SLFN14: variants seen among roughly 807,000 people sequenced by gnomAD.
SLFN14 encodes the protein protein SLFN14.
In SLFN14, 47 loss-of-function variants were observed where a neutral mutation model predicts 58.6. The observed-to-expected ratio is 0.80, with a 90% confidence interval of 0.64 to 1.02. The LOEUF is 1.02. Ranked by LOEUF, SLFN14 falls within the 50% of genes least tolerant of loss-of-function variation. SLFN14 has a pLI of 0.00. For missense variants in SLFN14, 967 were observed against 1,078.4 expected, an observed-to-expected ratio of 0.90 and a Z score of 1.45; for synonymous variants, 390 against 387.3, an observed-to-expected ratio of 1.01 and a Z score of -0.08.
In SLFN14 at chr17:35,554,631, T is replaced by G; in HGVS notation, c.1134A>C (p.Gly378=). 6.5e-7 allele frequency: 1 copy of G among 1,534,928 alleles called. No homozygotes were observed. Among genetic ancestry groups the G allele is most frequent in the Non-Finnish European group, 8.8e-7 (1 of 1,138,728 alleles). ...TAAATTTGTGGACTTTTATGGGATA[T>G]CCGGGACTTTTTCGTGCAGATGAAG... ...SSASSARKSP[G]YPIKVHKFKE... Residue 378 remains glycine, a synonymous_variant, in exon 4 of 6, where the codon GGA becomes GGC. Coordinates refer to ENST00000674182, the MANE Select transcript of SLFN14 (RefSeq NM_001129820.2).
Position 35,553,269 on chromosome 17 carries a change from C to A in SLFN14, c.1365G>T (p.Leu455=), listed in dbSNP as rs2072614663. The part of the protein sequence containing the change: ...DVGFRKEQNV[L]CDALLIAVNS... ...TAACTGCTATCAGGAGAGCATCACA[C>A]AGGACATTCTGTTCTTTCCTGAAGC... The change falls in exon 5 of 6, where the codon CTG becomes CTT. Residue 455 remains leucine, a synonymous_variant. Coordinates refer to ENST00000674182, the MANE Select transcript of SLFN14 (RefSeq NM_001129820.2). 1 of 1,551,540 alleles carries A rather than the reference C, an allele frequency of 6.4e-7. No homozygotes were observed. Among genetic ancestry groups the A allele is most frequent in the Non-Finnish European group, 8.7e-7 (1 of 1,146,996 alleles).
At chr17:35,551,048 A>T (rs972625831) in intron 5 of SLFN14, among the ~76,000 whole-genome samples, 9 of 152,180 alleles carry the variant, frequency 5.9e-5, no homozygotes, top group African/African-American at 2.2e-4. Flanking sequence ...GAAAAAAAAA[A>T]GTTTCTGGTT....
intron 5 of SLFN14, among the ~76,000 whole-genome samples, chr17:35,550,441 G>A (rs2072575364): frequency 6.6e-6 from 1 of 152,188 alleles, no homozygotes; most frequent in Non-Finnish European, 1.5e-5. Flanking sequence ...AGCTACTCGG[G>A]AGGCTGAGGC....
chr17:35,548,592 T>A lies in SLFN14; in HGVS notation c.2386A>T (p.Asn796Tyr). 1 of 1,551,766 alleles carries A rather than the reference T, an allele frequency of 6.4e-7. No individual in the cohort carries two copies. The highest frequency in any genetic ancestry group is 8.7e-7 in the Non-Finnish European group (1 of 1,147,004). Residue 796 changes from asparagine to tyrosine, a missense_variant, in exon 6 of 6, where the codon AAC (asparagine) becomes TAC (tyrosine). By Grantham distance (143) the Asn-to-Tyr change is moderately radical. Transcript: ENST00000674182. Reference protein sequence around the residue: ...KTNLTTEQIANYVARKCHSLF... With the variant: ...KTNLTTEQIAYYVARKCHSLF... ...CTGTGACATTTTCTTGCCACATAGT[T>A]AGCTATTTGTTCTGTTGTCAGATTA... is the stretch of plus-strand genomic sequence containing the variant.
At chr17:35,551,067 G>A (rs1294450684) in intron 5 of SLFN14, among the ~76,000 whole-genome samples, 1 of 152,142 alleles carries the variant, frequency 6.6e-6, no homozygotes, top group African/African-American at 2.4e-5. Context: ...TTCTGTAAAT[G>A]TAAGTTATGC....
chr17:35,556,493 T>C lies in SLFN14; in HGVS notation c.1060+510A>G, dbSNP rs117517474. On this transcript the variant is annotated intron_variant, in intron 3 of 5. Coordinates refer to ENST00000674182, the MANE Select transcript of SLFN14 (RefSeq NM_001129820.2). ...GCATACTGTAACTTTCCTTTAAAAG[T>C]TGCTTAGGCTGGCCAGGAGTGGTGG... Among the ~76,000 whole-genome samples the C allele has an allele frequency of 8.0e-3, 1,214 of 152,294 alleles. 10 individuals are homozygous for C. Among genetic ancestry groups the C allele is most frequent in the South Asian group, 0.022 (104 of 4,828 alleles).
At chr17:35,556,471 T>C (rs1031825909) in intron 3 of SLFN14, among the ~76,000 whole-genome samples, 1 of 152,200 alleles carries the variant, frequency 6.6e-6, no homozygotes, top group Non-Finnish European at 1.5e-5. Flanking sequence ...GCTGATGGCA[T>C]ACTGTAACTT....
chr17:35,548,388 T>C lies in SLFN14; in HGVS notation c.2590A>G (p.Ser864Gly). ...TCCAGGCCTGAAAATTGCTGAATAC[T>C]GTCTAAAACAATGTGACTTCCCCAA... Reference protein sequence around the residue: ...GVWGSHIVLDSIQQFSGLERT... With the variant: ...GVWGSHIVLDGIQQFSGLERT... The change falls in exon 6 of 6, where the codon AGT becomes GGT. Residue 864 changes from serine (S) to glycine (G), a missense_variant. By Grantham distance (56) the Ser-to-Gly change is moderately conservative (BLOSUM62 0). Transcript: ENST00000674182. 1.3e-6 allele frequency: 2 copies of C among 1,551,744 alleles called. No homozygotes were observed. Among genetic ancestry groups the C allele is most frequent in the South Asian group, 1.2e-5 (1 of 84,066 alleles).
intron 5 of SLFN14, among the ~76,000 whole-genome samples, chr17:35,552,343 C>A (rs1041648162): frequency 6.6e-6 from 1 of 152,060 alleles, no homozygotes; most frequent in Non-Finnish European, 1.5e-5. Context: ...ACCACTTCCA[C>A]CTTTAAACAT....
Position 35,548,787 on chromosome 17 carries a change from C to A in SLFN14, c.2191G>T (p.Gly731Trp). 1.9e-6 allele frequency: 3 copies of A among 1,551,680 alleles called. No individual in the cohort carries two copies. Among genetic ancestry groups the A allele is most frequent in the Non-Finnish European group, 2.6e-6 (3 of 1,146,990 alleles). Residue 731 changes from glycine to tryptophan, a missense_variant, in exon 6 of 6, where the codon GGG becomes TGG. Transcript: ENST00000674182. Reference protein sequence around the residue: ...AQFPRKTITSGIHCALEIAKV... With the variant: ...AQFPRKTITSWIHCALEIAKV... Reference sequence around the variant, plus strand: ...GCTATTTCCAGAGCACAGTGGATCCCACTGGTGATTGTTTTTCGAGGAAAC... The same window carrying A: ...GCTATTTCCAGAGCACAGTGGATCCAACTGGTGATTGTTTTTCGAGGAAAC...
rs969350105 is a variant in SLFN14 at position 35,544,199 on chromosome 17, T to C, written c.*4040A>G. Among the ~76,000 whole-genome samples the C allele has an allele frequency of 6.6e-6, 1 of 152,186 alleles. No individual in the cohort carries two copies. Among genetic ancestry groups the C allele is most frequent in the Non-Finnish European group, 1.5e-5 (1 of 68,036 alleles). Reference sequence around the variant, plus strand: ...GAGTAAACCCAATGCTGAAAGTCCATGTACAGCCTCTGTGCACATCAGAAC... The same window carrying C: ...GAGTAAACCCAATGCTGAAAGTCCACGTACAGCCTCTGTGCACATCAGAAC... On this transcript the variant is annotated 3_prime_UTR_variant, in exon 6 of 6. Transcript: ENST00000674182.
At position 35,546,514 on chromosome 17, in the gene SLFN14, T is replaced by A. The variant is rs1370536555; in HGVS notation, c.*1725A>T. ...TAAAATCATAACCAAAATTTCCACA[T>A]GTCTCCTGGATTCAAGCCTCCCCAG... On this transcript the variant is annotated 3_prime_UTR_variant, in exon 6 of 6. Transcript: ENST00000674182. 6.6e-6 allele frequency among the ~76,000 whole-genome samples: 1 copy of A among 152,192 alleles called. No individual in the cohort carries two copies. The highest frequency in any genetic ancestry group is 2.4e-5 in the African/African-American group (1 of 41,460).
rs1408845264 is a variant in SLFN14 at position 35,557,189 on chromosome 17, A to G, written c.874T>C (p.Phe292Leu). 6.4e-7 allele frequency: 1 copy of G among 1,551,730 alleles called. No homozygotes were observed. ...TACACATTCAGGATTTTTGTAGTGA[A>G]ATTTACCTTTGGCTTCTCACAGCAG... ...HFCCEKPKVN[F>L]TTKILNVYQK... Residue 292 changes from phenylalanine to leucine, a missense_variant, in exon 3 of 6, where the codon TTC (phenylalanine) becomes CTC (leucine). Coordinates refer to ENST00000674182, the MANE Select transcript of SLFN14 (RefSeq NM_001129820.2).
rs2072538799 is a variant in SLFN14, at chr17:35,546,943, G to A, written c.*1296C>T. On this transcript the variant is annotated 3_prime_UTR_variant, in exon 6 of 6. Transcript: ENST00000674182. ...CCAAGGATCCCCATAAACTCTGAGA[G>A]TTGGATTTAAAAATTAGCACCAAGT... 6.6e-6 allele frequency among the ~76,000 whole-genome samples: 1 copy of A among 152,164 alleles called. No homozygotes were observed. The highest frequency in any genetic ancestry group is 2.4e-5 in the African/African-American group (1 of 41,440).
chr17:35,545,614 C>T lies in SLFN14; in HGVS notation c.*2625G>A, dbSNP rs566832683. Among the ~76,000 whole-genome samples, 10 of 152,064 alleles carry T rather than the reference C, an allele frequency of 6.6e-5. No homozygotes were observed. Among genetic ancestry groups the T allele is most frequent in the Non-Finnish European group, 1.0e-4 (7 of 68,024 alleles). On this transcript the variant is annotated 3_prime_UTR_variant, in exon 6 of 6. Transcript: ENST00000674182. Reference sequence around the variant, plus strand: ...GGCTCAAGTGATCCTCCCACCTTGGCCTCTGGAGTAGCTAGGATTAAAAGC... The same window carrying T: ...GGCTCAAGTGATCCTCCCACCTTGGTCTCTGGAGTAGCTAGGATTAAAAGC...
chr17:35,548,103 G>C lies in SLFN14; in HGVS notation c.*136C>G, dbSNP rs550023201. 3.8e-4 allele frequency: 321 copies of C among 845,038 alleles called. No individual in the cohort carries two copies. Among genetic ancestry groups the C allele is most frequent in the Admixed American group, 4.9e-4 (17 of 34,688 alleles). The allele number at this position is 845,038 out of a possible 1,614,324, so 52.3% of individuals were successfully genotyped here. A position where few individuals can be genotyped will look rare whatever the true frequency, so the allele number is the denominator to read the frequency against. On this transcript the variant is annotated 3_prime_UTR_variant, in exon 6 of 6. Coordinates refer to ENST00000674182, the MANE Select transcript of SLFN14 (RefSeq NM_001129820.2). ...AATAGAGTGGAAGGCTCAGCTCCAA[G>C]AGACATTTCTGTGGCTCCAGGCCAT... is the stretch of plus-strand genomic sequence containing the variant.
intron 2 of SLFN14, among the ~76,000 whole-genome samples, 191 bp from the exon 3 acceptor site, chr17:35,558,297 G>A (rs940828619): frequency 5.3e-5 from 8 of 152,100 alleles, no homozygotes; most frequent in Non-Finnish European, 1.2e-4. Context: ...ATAGAATCTT[G>A]CTCTGTTATG....
Position 35,553,084 on chromosome 17 carries a change from C to T in SLFN14, c.1550G>A (p.Ser517Asn). The part of the protein sequence containing the change: ...CIIPRLIHLS[S>N]TQSRPGEIPL... The stretch of plus-strand genomic sequence containing the variant: ...GATCTCACCAGGTCTACTCTGTGTG[C>T]TGCTCAGGTGTATCAGCCTTGGAAT... Residue 517 changes from serine to asparagine, a missense_variant, in exon 5 of 6, where the codon AGC (serine) becomes AAC (asparagine). Transcript: ENST00000674182. 6.4e-7 allele frequency: 1 copy of T among 1,551,692 alleles called. No individual in the cohort carries two copies. The highest frequency in any genetic ancestry group is 8.7e-7 in the Non-Finnish European group (1 of 1,147,004).
At position 35,545,658 on chromosome 17, in the gene SLFN14, C is replaced by A. The variant is rs2072528538; in HGVS notation, c.*2581G>T. The stretch of plus-strand genomic sequence containing the variant: ...TAAAAGCATGCACCACCATGCCCAA[C>A]TAAGTTTTTAAAAAAATTTTTTTTG... On this transcript the variant is annotated 3_prime_UTR_variant, in exon 6 of 6. Transcript: ENST00000674182. Among the ~76,000 whole-genome samples the A allele has an allele frequency of 6.6e-6, 1 of 152,100 alleles. No homozygotes were observed. The highest frequency in any genetic ancestry group is 2.4e-5 in the African/African-American group (1 of 41,398).
Sources: gnomAD v4.1 joint callset for allele counts (sites outside exome capture counted in the v4.1 genomes callset) on GRCh38, gnomAD v4.1.1 for gene constraint, MANE v1.5 for transcripts, NCBI Gene and HGNC (gene_info 2026-07-23, HGNC 2026-07-21) for gene names.